The following ANGPT1 variants were observed in gnomAD, a reference collection of about 807,000 sequenced individuals.
ANGPT1 encodes the protein angiopoietin-1.
A neutral mutation model predicts 62.2 loss-of-function variants in ANGPT1; 17 were observed. The ratio of observed to expected loss-of-function variants is 0.27; its 90% confidence interval spans 0.19 to 0.41. The LOEUF is 0.41. Among genes scored for constraint, ANGPT1 ranks in the 10% least tolerant of loss-of-function variants. The pLI is 1.00. For synonymous variants in ANGPT1, 199 were observed against 198.9 expected (o/e 1.00, Z 0.00); for missense variants, 478 against 594.9 (o/e 0.80, Z 2.04).
At chr8:107,380,686 T>A (rs1396273943) in intron 1 of ANGPT1, among the ~76,000 whole-genome samples, 1 of 152,176 alleles carries the variant, frequency 6.6e-6, no homozygotes, top group Non-Finnish European at 1.5e-5. Context: ...TGGAAATGTG[T>A]CTCCAAAAAA....
chr8:107,301,198 T>C (rs1814579414), intron 5 of ANGPT1, among the ~76,000 whole-genome samples: 1 of 151,970 alleles, frequency 6.6e-6, no homozygotes, highest in Non-Finnish European at 1.5e-5. Flanking sequence ...CTGAAAACTT[T>C]GGGAATTATT....
Position 107,274,339 on chromosome 8 carries a change from C to G in ANGPT1, c.1206-9988G>C, listed in dbSNP as rs183540687. On this transcript the variant is annotated intron_variant, in intron 7 of 8. Transcript: ENST00000517746. ...GGCTGGCTGGATAAAGCAATGAAGG[C>G]AGACTCTGATTTCAAAAGAACTATA... 2.6e-5 allele frequency among the ~76,000 whole-genome samples: 4 copies of G among 152,214 alleles called. No homozygotes were observed. In the East Asian group the frequency reaches 7.7e-4, roughly 29 times the overall value.
chr8:107,479,705 A>T (rs1339922288), intron 1 of ANGPT1, among the ~76,000 whole-genome samples: 1 of 152,180 alleles, frequency 6.6e-6, no homozygotes, highest in African/African-American at 2.4e-5. Flanking sequence ...CAAAAATCCA[A>T]ATTCCCAGAG....
chr8:107,347,163 A>G, intron 1 of ANGPT1, 66 bp from the exon 2 acceptor site: 1 of 1,493,818 alleles, frequency 6.7e-7, no homozygotes, highest in Non-Finnish European at 9.1e-7. Context: ...GGCATGTAAT[A>G]TTTACAATAA....
intron 1 of ANGPT1, among the ~76,000 whole-genome samples, chr8:107,368,397 A>G (rs1008248660): frequency 1.5e-4 from 23 of 152,212 alleles, no homozygotes; most frequent in Non-Finnish European, 2.2e-4. Flanking sequence ...GCACAGGCAG[A>G]GTAGATGTAG....
chr8:107,287,476 C>A (rs1238385243), intron 6 of ANGPT1, among the ~76,000 whole-genome samples: 3 of 152,104 alleles, frequency 2.0e-5, no homozygotes, highest in Non-Finnish European at 2.9e-5. Flanking sequence ...AAAAACTGTC[C>A]AAGCATGCTC....
chr8:107,438,390 T>C (rs376762267), intron 1 of ANGPT1, among the ~76,000 whole-genome samples: 1 of 152,176 alleles, frequency 6.6e-6, no homozygotes, highest in Non-Finnish European at 1.5e-5. Context: ...TATTTCCTGA[T>C]AAAGACTGTT....
intron 4 of ANGPT1, among the ~76,000 whole-genome samples, chr8:107,305,531 A>G (rs1414520088): frequency 1.3e-5 from 2 of 151,974 alleles, no homozygotes; most frequent in Non-Finnish European, 2.9e-5. Flanking sequence ...AGAAAAAAGG[A>G]AAAAGTTGGG....
At chr8:107,380,076 C>T (rs774207275) in intron 1 of ANGPT1, among the ~76,000 whole-genome samples, 7 of 152,070 alleles carry the variant, frequency 4.6e-5, no homozygotes, top group Admixed American at 3.3e-4. Context: ...TCAGATACTA[C>T]AGCCCCGGGA....
intron 4 of ANGPT1, among the ~76,000 whole-genome samples, chr8:107,306,398 GT>G (rs764799010): frequency 3.3e-5 from 5 of 152,042 alleles, no homozygotes; most frequent in Non-Finnish European, 5.9e-5. Flanking sequence ...ATCTTGCTGT[GT>G]ATTTTAAGCT....
At chr8:107,403,609 C>A (rs1817089143) in intron 1 of ANGPT1, among the ~76,000 whole-genome samples, 1 of 152,002 alleles carries the variant, frequency 6.6e-6, no homozygotes, top group Non-Finnish European at 1.5e-5. Flanking sequence ...AATATATACA[C>A]CAAAATGCTA....
chr8:107,281,970 G>A (rs962261556), intron 7 of ANGPT1, among the ~76,000 whole-genome samples: 1 of 151,724 alleles, frequency 6.6e-6, no homozygotes, highest in Non-Finnish European at 1.5e-5. Context: ...AGGCAGTGAT[G>A]GACAATGTGA....
chr8:107,336,322 CTTTT>C (rs771230101), intron 2 of ANGPT1, 51 bp from the exon 3 acceptor site: 19 of 1,543,468 alleles, frequency 1.2e-5, no homozygotes, highest in Non-Finnish European at 1.6e-5. Context: ...AATCAAAGAA[CTTTT>C]TTAAGTTTTA....
intron 1 of ANGPT1, among the ~76,000 whole-genome samples, chr8:107,441,291 C>G (rs1342784425): frequency 6.6e-6 from 1 of 152,148 alleles, no homozygotes; most frequent in Non-Finnish European, 1.5e-5. Context: ...CCTAAAACTT[C>G]AACATACATA....
rs977042540 is a variant in ANGPT1 at position 107,250,231 on chromosome 8, T to C, written c.*1624A>G. ...AATTTTCTCATCCCATAGTGACTCA[T>C]GTTTTAATAAAAACTGTTTACTGTC... On this transcript the variant is annotated 3_prime_UTR_variant, in exon 9 of 9. Transcript: ENST00000517746. 1 of 152,166 alleles carries C rather than the reference T, an allele frequency of 6.6e-6. No homozygotes were observed. The highest frequency in any genetic ancestry group is 1.5e-5 in the Non-Finnish European group (1 of 68,002). The allele number at this position is 152,166 out of a possible 1,614,324, so 9.4% of individuals were successfully genotyped here. A position where few individuals can be genotyped will look rare whatever the true frequency, so the allele number is the denominator to read the frequency against.
chr8:107,453,764 T>C (rs1358644129), intron 1 of ANGPT1, among the ~76,000 whole-genome samples: 1 of 151,904 alleles, frequency 6.6e-6, no homozygotes, highest in African/African-American at 2.4e-5. Flanking sequence ...TGCTCAACAG[T>C]AGATGATTGG....
At position 107,336,351 on chromosome 8, in the gene ANGPT1, A is replaced by G. The variant is rs1463260135; in HGVS notation, c.454-80T>C. On this transcript the variant is annotated intron_variant, in intron 2 of 8. Coordinates refer to ENST00000517746, the MANE Select transcript of ANGPT1 (RefSeq NM_001146.5). ...TTTAAGTTTTATTTTGTCGTTAAATATTTTTTCAAGAATAATTTAACAAAT... is the reference window on the plus strand; with the variant it reads ...TTTAAGTTTTATTTTGTCGTTAAATGTTTTTTCAAGAATAATTTAACAAAT... 3 of 1,498,506 alleles carry G rather than the reference A, an allele frequency of 2.0e-6. No homozygotes were observed. The Admixed American group carries it at 7.7e-5, about 38-fold the overall frequency. 92.8% of individuals were successfully genotyped at this position (1,498,506 alleles called of 1,614,324 possible).
intron 1 of ANGPT1, among the ~76,000 whole-genome samples, chr8:107,435,191 G>A (rs1010745449): frequency 2.0e-5 from 3 of 152,162 alleles, no homozygotes; most frequent in Admixed American, 2.0e-4. Flanking sequence ...AACTGCACTT[G>A]TCTGTAAATT....
At chr8:107,472,454 G>C (rs144520046) in intron 1 of ANGPT1, among the ~76,000 whole-genome samples, 1 of 152,098 alleles carries the variant, frequency 6.6e-6, no homozygotes, top group East Asian at 1.9e-4. Flanking sequence ...TTTGAAGAAG[G>C]GAATCTTAAA....
Sources: allele counts gnomAD v4.1 joint callset (sites outside exome capture counted in the v4.1 genomes callset), GRCh38; gene constraint gnomAD v4.1.1; transcripts MANE v1.5; gene names NCBI Gene and HGNC (gene_info 2026-07-23, HGNC 2026-07-21).